Variants in PPHLN1 observed in about 807,000 individuals in gnomAD.
PPHLN1 encodes the protein periphilin 1.
Under a neutral mutation model 51.3 loss-of-function variants are expected in PPHLN1, and 29 were observed. That is an observed-to-expected ratio of 0.57 (90% confidence interval 0.42 to 0.77). PPHLN1 has a LOEUF of 0.77. PPHLN1 is among the 30% of genes least tolerant of loss of function. The probability of loss-of-function intolerance (pLI) is 0.00; values close to 1 mark genes in which losing one functional copy is unlikely to be tolerated. For synonymous variants in PPHLN1, 147 were observed against 147.8 expected, an observed-to-expected ratio of 0.99 and a Z score of 0.04; for missense variants, 436 against 438.4, an observed-to-expected ratio of 0.99 and a Z score of 0.05.
At chr12:42,327,173 G>T (rs745573896) in intron 1 of PPHLN1, among the ~76,000 whole-genome samples, 4 of 152,278 alleles carry the variant, frequency 2.6e-5, no homozygotes, top group Admixed American at 1.3e-4. Flanking sequence ...ATGCTGCTTT[G>T]TGCTTTCTTT....
intron 4 of PPHLN1, among the ~76,000 whole-genome samples, chr12:42,362,475 A>G (rs1565827712): frequency 6.6e-6 from 1 of 152,180 alleles, no homozygotes. Context: ...TTGTTTTGAC[A>G]TGTCCACGTC....
At chr12:42,351,229 C>T (rs553370323) in intron 2 of PPHLN1, 1 of 152,264 alleles carries the variant, frequency 6.6e-6, no homozygotes, top group South Asian at 2.1e-4. Context: ...ATAGCAGCTA[C>T]TAACCTAAGA....
intron 4 of PPHLN1, among the ~76,000 whole-genome samples, chr12:42,370,209 T>C (rs148704040): frequency 0.014 from 2,100 of 152,320 alleles, 15 homozygotes; most frequent in Middle Eastern, 0.037. Context: ...AGTCACACCC[T>C]TAGAGATTCT....
Position 42,373,299 on chromosome 12 carries a change from T to C in PPHLN1, c.300-1564T>C, listed in dbSNP as rs146980766. 2.0e-4 allele frequency among the ~76,000 whole-genome samples: 29 copies of C among 145,732 alleles called. No homozygotes were observed. The East Asian group carries it at 5.4e-3, about 27-fold the overall frequency. ...CTTGTAGTTTTAGTGACTAAACTAG[T>C]GCTAGAATTCCTTAATGCTCTATTT... On this transcript the variant is annotated intron_variant, in intron 4 of 9. Coordinates refer to ENST00000358314, the MANE Select transcript of PPHLN1 (RefSeq NM_201439.2).
chr12:42,332,514 T>C, intron 1 of PPHLN1: 1 of 552,296 alleles, frequency 1.8e-6, no homozygotes, highest in Middle Eastern at 4.8e-4. Flanking sequence ...GTGGCCAAAA[T>C]GATATCTTCT....
chr12:42,374,914 G>A lies in PPHLN1; in HGVS notation c.351G>A (p.Ala117=), dbSNP rs148520074. Reference sequence around the variant, plus strand: ...AAAGTTTCTACTCTTCCCATTATGCGAGAGAGCGGTCTCCTTATAAAAGGG... The same window carrying A: ...AAAGTTTCTACTCTTCCCATTATGCAAGAGAGCGGTCTCCTTATAAAAGGG... ...RRKSFYSSHY[A]RERSPYKRDN... Residue 117 remains alanine (A), a synonymous_variant, in exon 5 of 10, where the codon GCG becomes GCA. Coordinates refer to ENST00000358314, the MANE Select transcript of PPHLN1 (RefSeq NM_201439.2). 47 of 1,613,118 alleles carry A rather than the reference G, an allele frequency of 2.9e-5. No individual in the cohort carries two copies. Among genetic ancestry groups the A allele is most frequent in the East Asian group, 4.5e-5 (2 of 44,858 alleles).
chr12:42,416,944 G>A (rs1340879103), intron 9 of PPHLN1, among the ~76,000 whole-genome samples: 1 of 152,224 alleles, frequency 6.6e-6, no homozygotes, highest in Non-Finnish European at 1.5e-5. Context: ...CAGAAAAAAA[G>A]TGTTTGAATT....
rs1488259020 is a variant in PPHLN1 at position 42,431,444 on chromosome 12, A to G, written c.910-9871A>G. On this transcript the variant is annotated intron_variant, in intron 9 of 9. Coordinates refer to ENST00000358314, the MANE Select transcript of PPHLN1 (RefSeq NM_201439.2). ...GCCAGCAACTTTTTTTTAATGTTAC[A>G]TATACTATTCTCAAGGAACATCTGA... is the stretch of plus-strand genomic sequence containing the variant. 4.6e-5 allele frequency among the ~76,000 whole-genome samples: 7 copies of G among 152,182 alleles called. No homozygotes were observed. The East Asian group carries it at 7.7e-4, about 17-fold the overall frequency.
At chr12:42,445,390 A>T (rs2083256014), downstream of PPHLN1, 1 of 444,352 alleles carries the variant, frequency 2.3e-6, no homozygotes, top group Non-Finnish European at 4.1e-6. Flanking sequence ...ACAGGTGTTA[A>T]CCCTAGAGGA....
At chr12:42,359,422 A>T (rs2074380725) in intron 4 of PPHLN1, 1 of 152,234 alleles carries the variant, frequency 6.6e-6, no homozygotes, top group Non-Finnish European at 1.5e-5. Context: ...ACAAAACATA[A>T]TTTTTACAAA....
At chr12:42,349,392 A>AGTTTC (rs2072857477) in intron 2 of PPHLN1, among the ~76,000 whole-genome samples, 1 of 146,792 alleles carries the variant, frequency 6.8e-6, no homozygotes, top group African/African-American at 2.5e-5. Context: ...ATATTTTGTA[A>AGTTTC]GTTTTGTTTT....
intron 5 of PPHLN1, among the ~76,000 whole-genome samples, chr12:42,383,983 C>G (rs79774566): frequency 3.9e-5 from 2 of 51,610 alleles, no homozygotes. Flanking sequence ...GACTGTGTCT[C>G]AAAAAAAAAA....
intron 2 of PPHLN1, among the ~76,000 whole-genome samples, chr12:42,350,972 G>T (rs1011728725): frequency 6.9e-6 from 1 of 143,890 alleles, no homozygotes; most frequent in East Asian, 1.9e-4. Flanking sequence ...ACGGAGAGGA[G>T]GGAGAGGGGG....
rs535941180 is a variant in PPHLN1 at position 42,376,795 on chromosome 12, A to G, written c.511+1721A>G. ...AGAACGAGACTATGTCTCTAAAAAT[A>G]AATAAATAAATAAGTAAATAAATAA... On this transcript the variant is annotated intron_variant, in intron 5 of 9. Transcript: ENST00000358314. Among the ~76,000 whole-genome samples, 302 of 152,296 alleles carry G rather than the reference A, an allele frequency of 2.0e-3. 1 individual carries two copies. Among genetic ancestry groups the G allele is most frequent in the Non-Finnish European group, 1.7e-3 (119 of 68,024 alleles).
chr12:42,343,008 A>G (rs896531840), intron 2 of PPHLN1, among the ~76,000 whole-genome samples: 2 of 152,224 alleles, frequency 1.3e-5, no homozygotes, highest in African/African-American at 2.4e-5. Context: ...TTTTGTTAAT[A>G]TCTGAGCCTT....
intron 9 of PPHLN1, among the ~76,000 whole-genome samples, chr12:42,410,912 A>G (rs914450601): frequency 6.6e-6 from 1 of 152,158 alleles, no homozygotes; most frequent in African/African-American, 2.4e-5. Flanking sequence ...TTTAAAATGC[A>G]TTTACTTTTG....
chr12:42,352,412 AT>A (rs199658531), intron 3 of PPHLN1, among the ~76,000 whole-genome samples: 462 of 141,658 alleles, frequency 3.3e-3, no homozygotes, highest in African/African-American at 3.8e-3. Flanking sequence ...AACCCACTTA[AT>A]TTTTTTTTTT....
chr12:42,444,506 A>C (rs563184010), downstream of PPHLN1: 1 of 151,710 alleles, frequency 6.6e-6, no homozygotes, highest in East Asian at 1.9e-4. Context: ...CAGGATTAAT[A>C]GGACAGATGG....
chr12:42,392,571 A>G (rs1259605557), intron 7 of PPHLN1, among the ~76,000 whole-genome samples: 2 of 152,202 alleles, frequency 1.3e-5, no homozygotes, highest in Non-Finnish European at 2.9e-5. Context: ...ATGTATACCA[A>G]GGAAGTAGAA....
Sources: allele counts gnomAD v4.1 joint callset (sites outside exome capture counted in the v4.1 genomes callset), GRCh38; gene constraint gnomAD v4.1.1; transcripts MANE v1.5; gene names NCBI Gene and HGNC (gene_info 2026-07-23, HGNC 2026-07-21).